Variants in EXT2 observed in about 807,000 individuals in gnomAD.
EXT2 encodes exostosin glycosyltransferase 2.
EXT2 carries 53 observed loss-of-function variants against 81.6 expected under a neutral mutation model. The ratio of observed to expected loss-of-function variants is 0.65; its 90% CI spans 0.52 to 0.82. The LOEUF (loss-of-function observed/expected upper bound fraction) is 0.82. Among genes scored for constraint, EXT2 ranks in the 40% least tolerant of loss-of-function variants. The pLI is 0.00. For synonymous variants in EXT2, 320 were observed against 340.0 expected (o/e 0.94, Z 0.65); for missense variants, 774 against 910.2 (o/e 0.85, Z 1.93).
intron 11 of EXT2, among the ~76,000 whole-genome samples, chr11:44,233,296 A>G (rs988397792): frequency 6.6e-6 from 1 of 152,180 alleles, no homozygotes; most frequent in Admixed American, 6.5e-5. Context: ...CTTTTCTTGC[A>G]TGAAATATGA....
Position 44,107,814 on chromosome 11 carries a change from C to T in EXT2, c.102C>T (p.Leu34=). Residue 34 remains leucine, a synonymous_variant, in exon 2 of 14, where the codon CTC becomes CTT. Transcript: ENST00000533608. The part of the protein sequence containing the change: ...IYYITLFSIV[L]LGLIATGMFQ... ...ATATCACCCTCTTCTCCATTGTCCTCCTGGGCCTCATTGCCACTGGCATGT... is the reference window on the plus strand; with the variant it reads ...ATATCACCCTCTTCTCCATTGTCCTTCTGGGCCTCATTGCCACTGGCATGT... 1 of 1,614,164 alleles carries T rather than the reference C, an allele frequency of 6.2e-7. No homozygotes were observed. Among genetic ancestry groups the T allele is most frequent in the South Asian group, 1.1e-5 (1 of 91,082 alleles).
chr11:44,187,608 A>G (rs570940876), intron 8 of EXT2, among the ~76,000 whole-genome samples: 2 of 152,344 alleles, frequency 1.3e-5, no homozygotes, highest in Admixed American at 1.3e-4. Flanking sequence ...TAAGGTTGAT[A>G]GTATAATGCT....
intron 8 of EXT2, among the ~76,000 whole-genome samples, chr11:44,178,505 A>G (rs1197307950): frequency 6.6e-6 from 1 of 152,196 alleles, no homozygotes; most frequent in East Asian, 1.9e-4. Flanking sequence ...CTATACTTAG[A>G]TGTCCAGACG....
intron 1 of EXT2, chr11:44,103,660 T>C (rs564688600): frequency 1.6e-5 from 7 of 450,422 alleles, no homozygotes; most frequent in Non-Finnish European, 3.1e-5. Context: ...GAATTTTCTT[T>C]ATAGGAAGAT....
intron 7 of EXT2, among the ~76,000 whole-genome samples, chr11:44,157,031 G>A (rs1954864649): frequency 6.6e-6 from 1 of 152,198 alleles, no homozygotes; most frequent in Non-Finnish European, 1.5e-5. Context: ...AGAATTCGCT[G>A]GGTACTAGGC....
intron 10 of EXT2, among the ~76,000 whole-genome samples, chr11:44,216,301 T>G (rs1955718760): frequency 6.6e-6 from 1 of 152,200 alleles, no homozygotes; most frequent in Non-Finnish European, 1.5e-5. Flanking sequence ...GTTGTAATGA[T>G]TCTAAGCCAT....
In EXT2 at chr11:44,245,231, C is replaced by T. The variant is rs755006263; in HGVS notation, c.*944C>T. ...GGTCTGTACTAGCCATGCAAGGAGT[C>T]GCTCTAGCTGGTACCCGTAAAAGTT... On this transcript the variant is annotated 3_prime_UTR_variant, in exon 14 of 14. Coordinates refer to ENST00000533608, the MANE Select transcript of EXT2 (RefSeq NM_207122.2). 4.0e-5 allele frequency: 9 copies of T among 227,496 alleles called. No homozygotes were observed. The highest frequency in any genetic ancestry group is 7.0e-5 in the Non-Finnish European group (8 of 114,254). 14.1% of individuals were successfully genotyped at this position (227,496 alleles called of 1,614,324 possible).
At chr11:44,164,876 CTTTTTTT>C (rs372890914) in intron 7 of EXT2, among the ~76,000 whole-genome samples, 8 of 137,540 alleles carry the variant, frequency 5.8e-5, no homozygotes, top group African/African-American at 1.9e-4. Flanking sequence ...CTCATTCACA[CTTTTTTT>C]TTTTTTTTTT....
intron 1 of EXT2, chr11:44,096,223 A>T (rs1565191728): frequency 6.5e-7 from 1 of 1,533,652 alleles, no homozygotes; most frequent in South Asian, 1.2e-5. Flanking sequence ...CCTTCCCGCC[A>T]GCCACAGGGA....
chr11:44,109,676 G>T lies in EXT2; in HGVS notation c.626+393G>T, dbSNP rs559344700. ...ATACCCAAAGCCTATAATGTAGAGG[G>T]TAATGGGGGCACGCTGATTCTCATT... On this transcript the variant is annotated intron_variant, in intron 3 of 13. Transcript: ENST00000533608. Among the ~76,000 whole-genome samples, 5 of 152,256 alleles carry T rather than the reference G, an allele frequency of 3.3e-5. No homozygotes were observed. In the South Asian group the frequency reaches 8.3e-4, roughly 25 times the overall value.
At chr11:44,175,666 A>G (rs1379491694) in intron 8 of EXT2, among the ~76,000 whole-genome samples, 1 of 152,230 alleles carries the variant, frequency 6.6e-6, no homozygotes, top group Non-Finnish European at 1.5e-5. Context: ...ACATGTATAG[A>G]AGTAGAATTT....
intron 10 of EXT2, among the ~76,000 whole-genome samples, chr11:44,213,280 A>G (rs913987124): frequency 2.6e-5 from 4 of 152,194 alleles, no homozygotes; most frequent in Admixed American, 1.3e-4. Context: ...AAACAGACCA[A>G]CAGAGAAAGT....
chr11:44,132,153 T>A (rs1430429193), intron 7 of EXT2, among the ~76,000 whole-genome samples: 1 of 152,166 alleles, frequency 6.6e-6, no homozygotes, highest in Non-Finnish European at 1.5e-5. Context: ...AAGAAAAAAC[T>A]GGGGAGGTTA....
At chr11:44,171,544 GATAGAGTATC>G in intron 7 of EXT2, 57 bp from the exon 8 acceptor site, 1 of 1,611,286 alleles carries the variant, frequency 6.2e-7, no homozygotes, top group African/African-American at 1.3e-5. Flanking sequence ...AGTTGACTAT[GATAGAGTATC>G]TAGTTTTCCC....
At chr11:44,102,534 CTTTTT>C (rs59752163) in intron 1 of EXT2, among the ~76,000 whole-genome samples, 3 of 106,160 alleles carry the variant, frequency 2.8e-5, no homozygotes, top group Admixed American at 1.0e-4. Flanking sequence ...CTGTCTCTCT[CTTTTT>C]TTTTTTTTTT....
intron 4 of EXT2, among the ~76,000 whole-genome samples, chr11:44,122,464 G>A (rs554481486): frequency 5.9e-5 from 9 of 152,068 alleles, no homozygotes; most frequent in Non-Finnish European, 7.4e-5. Context: ...ATGTGATCTC[G>A]CCATCACTAA....
intron 13 of EXT2, among the ~76,000 whole-genome samples, chr11:44,240,591 A>G (rs775574240): frequency 2.0e-5 from 3 of 152,226 alleles, no homozygotes; most frequent in Non-Finnish European, 4.4e-5. Flanking sequence ...TAATAATGTC[A>G]TAGAGTATGA....
chr11:44,211,562 A>C (rs1464221361), intron 10 of EXT2, among the ~76,000 whole-genome samples: 1 of 152,184 alleles, frequency 6.6e-6, no homozygotes, highest in East Asian at 1.9e-4. Flanking sequence ...TAAATGTAGA[A>C]TCTAAAAGTC....
At chr11:44,116,868 G>A (rs772407013) in intron 4 of EXT2, 1 of 151,906 alleles carries the variant, frequency 6.6e-6, no homozygotes, top group Non-Finnish European at 1.5e-5. Context: ...TCCTTTTATC[G>A]TAGAGCTATA....
Sources: allele counts gnomAD v4.1 joint callset (sites outside exome capture counted in the v4.1 genomes callset), GRCh38; gene constraint gnomAD v4.1.1; transcripts MANE v1.5; gene names NCBI Gene and HGNC (gene_info 2026-07-23, HGNC 2026-07-21).